Variants in UBE2QL1 observed in about 807,000 individuals in gnomAD.
UBE2QL1 encodes ubiquitin conjugating enzyme E2 QL1.
In UBE2QL1, 5 loss-of-function variants were observed where a neutral mutation model predicts 12.6. The ratio of observed to expected loss-of-function variants is 0.40; its 90% confidence interval spans 0.21 to 0.83. The LOEUF (loss-of-function observed/expected upper bound fraction) is 0.83, where lower values mean the gene tolerates loss of function less well. Among genes scored for constraint, UBE2QL1 ranks in the 40% least tolerant of loss-of-function variants. The probability of loss-of-function intolerance (pLI) is 0.37; values close to 1 mark genes in which losing one functional copy is unlikely to be tolerated. For synonymous variants in UBE2QL1, 96 were observed against 94.5 expected, an observed-to-expected ratio of 1.02 and a Z score of -0.10; for missense variants, 99 against 222.6, an observed-to-expected ratio of 0.44 and a Z score of 3.53.
rs997739848 is a variant in UBE2QL1 at position 6,495,682 on chromosome 5, G to C, written c.*4333G>C. ...TGCCCAAAGCAAATTGGAGCAAAGGGCAGAAATTCCCTCCAACTGTTTTGG... is the reference window on the plus strand; with the variant it reads ...TGCCCAAAGCAAATTGGAGCAAAGGCCAGAAATTCCCTCCAACTGTTTTGG... On this transcript the variant is annotated 3_prime_UTR_variant, in exon 2 of 2. Transcript: ENST00000399816. 1.3e-5 allele frequency among the ~76,000 whole-genome samples: 2 copies of C among 152,226 alleles called. No individual in the cohort carries two copies. The highest frequency in any genetic ancestry group is 4.1e-4 in the South Asian group (2 of 4,832).
At position 6,456,546 on chromosome 5, in the gene UBE2QL1, G is replaced by A. The variant is rs183687372; in HGVS notation, c.354+7299G>A. Among the ~76,000 whole-genome samples, 1,133 of 152,276 alleles carry A rather than the reference G, an allele frequency of 7.4e-3. 12 individuals carry two copies. Among genetic ancestry groups the A allele is most frequent in the African/African-American group, 0.025 (1,023 of 41,548 alleles). ...TCTACACTTTCCTACTCAGTAAGTCGGCAAGCTAAGCTAAGGTTTAATTGT... is the reference window on the plus strand; with the variant it reads ...TCTACACTTTCCTACTCAGTAAGTCAGCAAGCTAAGCTAAGGTTTAATTGT... On this transcript the variant is annotated intron_variant, in intron 1 of 1. Coordinates refer to ENST00000399816, the MANE Select transcript of UBE2QL1 (RefSeq NM_001145161.3).
intron 1 of UBE2QL1, among the ~76,000 whole-genome samples, chr5:6,486,652 G>C (rs1734473438): frequency 6.6e-6 from 1 of 152,154 alleles, no homozygotes; most frequent in Non-Finnish European, 1.5e-5. Context: ...TGAAGTCCCG[G>C]TCACCAGCAC....
At chr5:6,450,162 C>T (rs961896043) in intron 1 of UBE2QL1, among the ~76,000 whole-genome samples, 2 of 151,200 alleles carry the variant, frequency 1.3e-5, no homozygotes, top group Non-Finnish European at 2.9e-5. Context: ...AGGACCACCA[C>T]CTCTGGGGTA....
At chr5:6,475,170 GAATT>G (rs1734205736) in intron 1 of UBE2QL1, among the ~76,000 whole-genome samples, 1 of 152,124 alleles carries the variant, frequency 6.6e-6, no homozygotes, top group Non-Finnish European at 1.5e-5. Flanking sequence ...ACAAATAAAA[GAATT>G]AAAATCAGAA....
Position 6,479,718 on chromosome 5 carries a change from G to A in UBE2QL1, c.355-11500G>A, listed in dbSNP as rs1371078556. On this transcript the variant is annotated intron_variant, in intron 1 of 1. Coordinates refer to ENST00000399816, the MANE Select transcript of UBE2QL1 (RefSeq NM_001145161.3). The surrounding 1 kb of genome is among the most constrained non-coding windows in gnomAD (Gnocchi z 4.2). ...CCTTGAGAGTGGAGTGCAGCATCCT[G>A]GGTGCGGCCCAAGAAAAGCAGCTTC... 3.9e-5 allele frequency among the ~76,000 whole-genome samples: 6 copies of A among 152,186 alleles called. No individual in the cohort carries two copies. The highest frequency in any genetic ancestry group is 8.8e-5 in the Non-Finnish European group (6 of 68,044).
Position 6,478,091 on chromosome 5 carries a change from T to C in UBE2QL1, c.355-13127T>C, listed in dbSNP as rs1043832003. Among the ~76,000 whole-genome samples, 1 of 152,236 alleles carries C rather than the reference T, an allele frequency of 6.6e-6. No individual in the cohort carries two copies. The highest frequency in any genetic ancestry group is 1.5e-5 in the Non-Finnish European group (1 of 68,038). On this transcript the variant is annotated intron_variant, in intron 1 of 1. Transcript: ENST00000399816. This position sits in a 1 kb window ranked among gnomAD's most constrained non-coding sequence, Gnocchi z 4.5. Reference sequence around the variant, plus strand: ...AAATAATCCATGTAGAGTCTTATTATTGCTGTGCTTTATTGCAAAAACAGA... The same window carrying C: ...AAATAATCCATGTAGAGTCTTATTACTGCTGTGCTTTATTGCAAAAACAGA...
intron 1 of UBE2QL1, among the ~76,000 whole-genome samples, chr5:6,449,589 C>T (rs1299398217): frequency 1.3e-5 from 2 of 151,954 alleles, no homozygotes; most frequent in Admixed American, 1.3e-4. Context: ...TCTTCCTTAG[C>T]CTCCCTCTCC....
intron 1 of UBE2QL1, among the ~76,000 whole-genome samples, chr5:6,469,407 A>T (rs1193841662): frequency 6.7e-6 from 1 of 149,162 alleles, no homozygotes; most frequent in African/African-American, 2.4e-5. Context: ...ATATATTTAT[A>T]TCTAAATATT....
rs1215378144 is a variant in UBE2QL1 at position 6,478,088 on chromosome 5, T to G, written c.355-13130T>G. Among the ~76,000 whole-genome samples, 1 of 152,216 alleles carries G rather than the reference T, an allele frequency of 6.6e-6. No individual in the cohort carries two copies. Among genetic ancestry groups the G allele is most frequent in the Non-Finnish European group, 1.5e-5 (1 of 68,036 alleles). ...AGTAAATAATCCATGTAGAGTCTTA[T>G]TATTGCTGTGCTTTATTGCAAAAAC... is the stretch of plus-strand genomic sequence containing the variant. On this transcript the variant is annotated intron_variant, in intron 1 of 1. Transcript: ENST00000399816. The surrounding 1 kb of genome is among the most constrained non-coding windows in gnomAD (Gnocchi z 4.5).
At chr5:6,450,724 C>T (rs1739397067) in intron 1 of UBE2QL1, among the ~76,000 whole-genome samples, 1 of 152,204 alleles carries the variant, frequency 6.6e-6, no homozygotes, top group African/African-American at 2.4e-5. Context: ...CAGAGAAGGT[C>T]AGGTAATTCC....
chr5:6,458,124 A>G (rs1430606799), intron 1 of UBE2QL1, among the ~76,000 whole-genome samples: 4 of 152,250 alleles, frequency 2.6e-5, no homozygotes, highest in Admixed American at 2.6e-4. Flanking sequence ...CTCAAGAAAG[A>G]AGTGCTTTTT....
At chr5:6,450,098 C>G (rs112258695) in intron 1 of UBE2QL1, among the ~76,000 whole-genome samples, 24 of 144,424 alleles carry the variant, frequency 1.7e-4, no homozygotes, top group Non-Finnish European at 2.9e-4. Flanking sequence ...CCCCCCCCCC[C>G]ACGGCAATGC....
intron 1 of UBE2QL1, among the ~76,000 whole-genome samples, chr5:6,475,383 G>A (rs1271683852): frequency 6.6e-6 from 1 of 151,406 alleles, no homozygotes; most frequent in Non-Finnish European, 1.5e-5. Flanking sequence ...AATAGAACAC[G>A]GCATTTTCCA....
At chr5:6,484,604 G>A (rs149197746) in intron 1 of UBE2QL1, among the ~76,000 whole-genome samples, 2 of 152,220 alleles carry the variant, frequency 1.3e-5, no homozygotes, top group African/African-American at 2.4e-5. Flanking sequence ...CATCAGAGTC[G>A]AGCTGAGCAC....
intron 1 of UBE2QL1, among the ~76,000 whole-genome samples, chr5:6,471,871 T>A (rs993478518): frequency 1.3e-5 from 2 of 152,208 alleles, no homozygotes; most frequent in Non-Finnish European, 2.9e-5. Context: ...CATAATAAAT[T>A]CTGGCATACA....
chr5:6,483,361 C>A (rs180972112), intron 1 of UBE2QL1, among the ~76,000 whole-genome samples: 304 of 152,168 alleles, frequency 2.0e-3, no homozygotes, highest in African/African-American at 7.1e-3. Context: ...ATCACTTGGA[C>A]CTGGGAGGCG....
chr5:6,449,273 G>C (rs1414843994), intron 1 of UBE2QL1, 26 bp downstream of exon 1: 20 of 1,356,678 alleles, frequency 1.5e-5, no homozygotes, highest in Non-Finnish European at 1.7e-5. Flanking sequence ...CGGGGCTGGG[G>C]GCGCGGGGCC....
chr5:6,493,400 T>C lies in UBE2QL1; in HGVS notation c.*2051T>C, dbSNP rs1297908234. The C allele has an allele frequency of 1.3e-5, 2 of 152,160 alleles. No homozygotes were observed. The highest frequency in any genetic ancestry group is 2.9e-5 in the Non-Finnish European group (2 of 68,016). The allele number at this position is 152,160 out of a possible 1,614,324, so 9.4% of individuals were successfully genotyped here. On this transcript the variant is annotated 3_prime_UTR_variant, in exon 2 of 2. Coordinates refer to ENST00000399816, the MANE Select transcript of UBE2QL1 (RefSeq NM_001145161.3). The stretch of plus-strand genomic sequence containing the variant: ...AGCAGCTTTACTTTAGGGGGAAAAA[T>C]ATATCCAAAGGCAGGTCATTTCAGT...
intron 1 of UBE2QL1, among the ~76,000 whole-genome samples, chr5:6,452,670 T>G (rs542856958): frequency 1.3e-5 from 2 of 152,354 alleles, no homozygotes; most frequent in African/African-American, 2.4e-5. Flanking sequence ...AGCACAGTGC[T>G]TGCACCTAGT....
Sources: allele counts gnomAD v4.1 joint callset (sites outside exome capture counted in the v4.1 genomes callset), GRCh38; gene constraint gnomAD v4.1.1; non-coding constraint Gnocchi (gnomAD v3.1); transcripts MANE v1.5; gene names NCBI Gene and HGNC (gene_info 2026-07-23, HGNC 2026-07-21).